The following ZSWIM9 variants were observed in gnomAD, a reference collection of about 807,000 sequenced individuals.
ZSWIM9 encodes the protein zinc finger SWIM-type containing 9.
In ZSWIM9, 11 loss-of-function variants were observed where a neutral mutation model predicts 25.0. The ratio of observed to expected loss-of-function variants is 0.44; its 90% CI spans 0.28 to 0.73. ZSWIM9 has a LOEUF of 0.73. ZSWIM9 is among the 30% of genes least tolerant of loss of function. The pLI, the probability that ZSWIM9 is intolerant of heterozygous loss-of-function variation, is 0.16. For synonymous variants in ZSWIM9, 562 were observed against 582.1 expected (o/e 0.97, Z 0.50); for missense variants, 1,070 against 1,296.5 (o/e 0.83, Z 2.68).
intron 3 of ZSWIM9, chr19:48,187,591 A>ATAATTATATTAT (rs1568579931): frequency 0.015 from 603 of 40,896 alleles, 16 homozygotes; most frequent in African/African-American, 0.032. Flanking sequence ...TATATTATAT[A>ATAATTATATTAT]ATATAATATT....
At chr19:48,181,216 C>A (rs1358982806) in intron 2 of ZSWIM9, 1 of 152,096 alleles carries the variant, frequency 6.6e-6, no homozygotes, top group African/African-American at 2.4e-5. Flanking sequence ...GCACCCAGAA[C>A]AAGAAACAGA....
intron 1 of ZSWIM9, chr19:48,171,109 TG>T: frequency 2.6e-6 from 1 of 385,142 alleles, no homozygotes; most frequent in Non-Finnish European, 3.6e-6. Context: ...TAACTGCATG[TG>T]GGGAGTACAT....
intron 3 of ZSWIM9, chr19:48,187,529 ATAT>A (rs1403372000): frequency 3.9e-4 from 33 of 83,608 alleles, no homozygotes; most frequent in Admixed American, 1.1e-3. Context: ...ATTATATATT[ATAT>A]TATTATTATA....
chr19:48,195,985 A>C lies in ZSWIM9; in HGVS notation c.1921A>C (p.Arg641=). 7.7e-7 allele frequency: 1 copy of C among 1,294,924 alleles called. No homozygotes were observed. The highest frequency in any genetic ancestry group is 9.8e-7 in the Non-Finnish European group (1 of 1,024,682). The allele number at this position is 1,294,924 out of a possible 1,614,324, so 80.2% of individuals were successfully genotyped here. The part of the protein sequence containing the change: ...QLHDERAGGL[R]TAEWKGPQSE... ...GCACGATGAAAGGGCAGGGGGACTG[A>C]GAACTGCAGAATGGAAGGGGCCACA... Residue 641 remains arginine, a synonymous_variant, in exon 4 of 4, where the codon AGA becomes CGA. Transcript: ENST00000614654. The surrounding 1 kb of genome is among the most constrained non-coding windows in gnomAD (Gnocchi z 5.8).
At chr19:48,192,498 T>TATATATATATATATATATATATATACAC (rs369454865) in intron 3 of ZSWIM9, among the ~76,000 whole-genome samples, 10 of 20,754 alleles carry the variant, frequency 4.8e-4, no homozygotes, top group South Asian at 5.8e-3. Context: ...TATATATATA[T>TATATATATATATATATATATATATACAC]ACACACACAC....
At chr19:48,178,707 C>G (rs1378936285) in intron 2 of ZSWIM9, among the ~76,000 whole-genome samples, 2 of 152,134 alleles carry the variant, frequency 1.3e-5, no homozygotes, top group Admixed American at 1.3e-4. Flanking sequence ...TCCTGAGTAG[C>G]TGGGACTATG....
Position 48,172,043 on chromosome 19 carries a change from A to G in ZSWIM9, c.241A>G (p.Lys81Glu). The G allele has an allele frequency of 6.5e-7, 1 of 1,531,158 alleles. No homozygotes were observed. Among genetic ancestry groups the G allele is most frequent in the Non-Finnish European group, 8.7e-7 (1 of 1,143,154 alleles). The allele number at this position is 1,531,158 out of a possible 1,614,324, so 94.8% of individuals were successfully genotyped here. ...LKYSYVRLVC[K>E]DVRAPSRPAV... is the part of the protein sequence containing the mutation. ...GTACAGCTACGTGCGGCTTGTGTGC[A>G]AGGACGTGCGTGCGCCCAGCCGGCC... Residue 81 changes from lysine to glutamate, a missense_variant, in exon 2 of 4, where the codon AAG (lysine) becomes GAG (glutamate). Lys to Glu is a moderately conservative substitution (Grantham distance 56, BLOSUM62 1). This residue lies in a region of ZSWIM9 where 265 missense variants were observed against 339.0 expected (regional missense o/e 0.78). Coordinates refer to ENST00000614654, the MANE Select transcript of ZSWIM9 (RefSeq NM_199341.4).
chr19:48,183,317 C>T lies in ZSWIM9; in HGVS notation c.588+550C>T, dbSNP rs558432299. 5.7e-4 allele frequency among the ~76,000 whole-genome samples: 87 copies of T among 151,958 alleles called. 3 individuals carry two copies. The South Asian group carries it at 0.017, about 30-fold the overall frequency. ...AATTTTTTTGTATTTTTAGTAGAGA[C>T]GGGGTTTCACCATGTTAGCCAGGAT... On this transcript the variant is annotated intron_variant, in intron 3 of 3. Coordinates refer to ENST00000614654, the MANE Select transcript of ZSWIM9 (RefSeq NM_199341.4).
At chr19:48,173,429 G>A (rs1252818362) in intron 2 of ZSWIM9, among the ~76,000 whole-genome samples, 1 of 152,114 alleles carries the variant, frequency 6.6e-6, no homozygotes, top group East Asian at 1.9e-4. Context: ...CTCCCAAGTA[G>A]CTGGGACTAC....
At chr19:48,189,896 T>C (rs201615344) in intron 3 of ZSWIM9, among the ~76,000 whole-genome samples, 1 of 152,038 alleles carries the variant, frequency 6.6e-6, no homozygotes, top group Non-Finnish European at 1.5e-5. Flanking sequence ...AAATAATTAA[T>C]TCTTAAAAAG....
chr19:48,181,421 T>C (rs1321282762), intron 2 of ZSWIM9: 1 of 152,222 alleles, frequency 6.6e-6, no homozygotes, highest in Middle Eastern at 3.2e-3. Context: ...ATCCGTGTTG[T>C]TGGAGGTTGT....
chr19:48,171,117 A>T, intron 1 of ZSWIM9: 1 of 434,818 alleles, frequency 2.3e-6, no homozygotes, highest in Non-Finnish European at 3.1e-6. Context: ...TGTGGGGAGT[A>T]CATCTGGAGA....
chr19:48,187,950 A>AGATAGAT, intron 3 of ZSWIM9, among the ~76,000 whole-genome samples: 1 of 142,534 alleles, frequency 7.0e-6, no homozygotes, highest in Non-Finnish European at 1.5e-5. Context: ...ATAGATAGAT[A>AGATAGAT]GATAGATAGA....
Position 48,194,905 on chromosome 19 carries a change from A to C in ZSWIM9, c.841A>C (p.Ser281Arg). Residue 281 changes from serine to arginine, a missense_variant, in exon 4 of 4, where the codon AGC becomes CGC. This residue lies in a region of ZSWIM9 where 184 missense variants were observed against 243.1 expected (regional missense o/e 0.76). Coordinates refer to ENST00000614654, the MANE Select transcript of ZSWIM9 (RefSeq NM_199341.4). The surrounding 1 kb of genome is among the most constrained non-coding windows in gnomAD (Gnocchi z 6.0). The part of the protein sequence containing the change: ...LRFALASLLQ[S>R]APDVKGRVRC... ...CTTCGCGCTCGCGTCGCTGCTGCAG[A>C]GCGCGCCAGACGTCAAGGGCCGCGT... 1 of 1,308,660 alleles carries C rather than the reference A, an allele frequency of 7.6e-7. No homozygotes were observed. The highest frequency in any genetic ancestry group is 9.7e-7 in the Non-Finnish European group (1 of 1,031,666). 81.1% of individuals were successfully genotyped at this position (1,308,660 alleles called of 1,614,324 possible). A position where few individuals can be genotyped will look rare whatever the true frequency, so the allele number is the denominator to read the frequency against.
intron 2 of ZSWIM9, among the ~76,000 whole-genome samples, chr19:48,179,826 G>A (rs2036929725): frequency 6.6e-6 from 1 of 152,156 alleles, no homozygotes; most frequent in African/African-American, 2.4e-5. Context: ...CCACAAATAT[G>A]GTGGCTTAAA....
At chr19:48,183,896 C>T (rs879723338) in intron 3 of ZSWIM9, among the ~76,000 whole-genome samples, 7 of 151,228 alleles carry the variant, frequency 4.6e-5, no homozygotes, top group African/African-American at 7.3e-5. Context: ...AGTCCTGCTT[C>T]GGCCTCCCAA....
chr19:48,195,371 C>A lies in ZSWIM9; in HGVS notation c.1307C>A (p.Ala436Asp). Residue 436 changes from alanine to aspartate, a missense_variant, in exon 4 of 4, where the codon GCC becomes GAC. By Grantham distance (126) the Ala-to-Asp change is moderately radical. Around this residue, in one of 4 missense-constraint regions of ZSWIM9, gnomAD observed 583 missense variants for 624.7 expected, o/e 0.93. Transcript: ENST00000614654. The surrounding 1 kb of genome is among the most constrained non-coding windows in gnomAD (Gnocchi z 5.8). Reference protein sequence around the residue: ...CLRDLVAMQWADAAGEAVPEG... With the variant: ...CLRDLVAMQWDDAAGEAVPEG... ...CGCGACCTGGTGGCCATGCAGTGGG[C>A]CGACGCGGCCGGGGAGGCGGTGCCC... 1 of 1,508,760 alleles carries A rather than the reference C, an allele frequency of 6.6e-7. No homozygotes were observed. The highest frequency in any genetic ancestry group is 8.8e-7 in the Non-Finnish European group (1 of 1,136,196). The allele number at this position is 1,508,760 out of a possible 1,614,324, so 93.5% of individuals were successfully genotyped here.
At chr19:48,187,382 A>AATAG (rs10687725) in intron 3 of ZSWIM9, among the ~76,000 whole-genome samples, 96,149 of 110,940 alleles carry the variant, frequency 0.87, 41,928 homozygotes, top group East Asian at 0.92. Flanking sequence ...AGTATAATGT[A>AATAG]ATAATTAATA....
Position 48,182,521 on chromosome 19 carries a change from G to C in ZSWIM9, c.342G>C (p.Val114=). ...TGAGCCCGCTGCGGGACCGCCTCGT[G>C]GTGACGGAGTGCCAGCTGACCCACT... ...VKLSPLRDRL[V]VTECQLTHSH... The change falls in exon 3 of 4, where the codon GTG becomes GTC. Residue 114 remains valine, a synonymous_variant. Transcript: ENST00000614654. The surrounding 1 kb of genome is among the most constrained non-coding windows in gnomAD (Gnocchi z 4.6). 1 of 1,535,914 alleles carries C rather than the reference G, an allele frequency of 6.5e-7. No homozygotes were observed. Among genetic ancestry groups the C allele is most frequent in the Non-Finnish European group, 8.7e-7 (1 of 1,146,762 alleles).
Sources: gnomAD v4.1 joint callset for allele counts (sites outside exome capture counted in the v4.1 genomes callset) on GRCh38, gnomAD v4.1.1 for gene constraint, gnomAD v4.1.1 regional missense constraint, Gnocchi (gnomAD v3.1) non-coding constraint, MANE v1.5 for transcripts, NCBI Gene and HGNC (gene_info 2026-07-23, HGNC 2026-07-21) for gene names.